Variants in CHST15 observed in about 807,000 individuals in gnomAD.
CHST15 encodes the protein B cell RAG associated protein (GALNAC4S-6ST).
CHST15 carries 30 observed loss-of-function variants against 53.6 expected under a neutral mutation model. The ratio of observed to expected loss-of-function variants is 0.56; its 90% confidence interval spans 0.42 to 0.76. CHST15 has a LOEUF of 0.76. Among genes scored for constraint, CHST15 ranks in the 30% least tolerant of loss-of-function variants. The pLI, the probability that CHST15 is intolerant of heterozygous loss-of-function variation, is 0.00. For missense variants in CHST15, 627 were observed against 740.5 expected (o/e 0.85, Z 1.78); for synonymous variants, 296 against 289.8 (o/e 1.02, Z -0.22).
At chr10:124,071,491 CAG>C (rs1204305252) in intron 1 of CHST15, among the ~76,000 whole-genome samples, 2 of 152,250 alleles carry the variant, frequency 1.3e-5, no homozygotes, top group Admixed American at 6.5e-5. Flanking sequence ...CCAACAAAAA[CAG>C]AGTGTGAGCC....
intron 1 of CHST15, among the ~76,000 whole-genome samples, chr10:124,052,592 G>C (rs1948236308): frequency 6.6e-6 from 1 of 152,216 alleles, no homozygotes. Context: ...CCGAGTGCTG[G>C]AGCCAGGTTG....
chr10:124,012,619 C>G (rs1946452056), intron 6 of CHST15, 139 bp from the exon 7 acceptor site: 1 of 958,258 alleles, frequency 1.0e-6, no homozygotes, highest in Non-Finnish European at 1.5e-6. Context: ...TGGATTTTAA[C>G]ACAAGGTGTT....
At chr10:124,050,757 G>T (rs930913925) in intron 1 of CHST15, among the ~76,000 whole-genome samples, 1 of 152,158 alleles carries the variant, frequency 6.6e-6, no homozygotes, top group Non-Finnish European at 1.5e-5. Flanking sequence ...GGGAAGCAAA[G>T]GCCCCGTAGA....
chr10:124,093,283 A>G (rs1281916024), intron 1 of CHST15, among the ~76,000 whole-genome samples, 186 bp downstream of exon 1: 1 of 149,006 alleles, frequency 6.7e-6, no homozygotes, highest in Non-Finnish European at 1.5e-5. Context: ...CCGCGCCGGG[A>G]GCGCCGCGGG....
intron 1 of CHST15, among the ~76,000 whole-genome samples, chr10:124,063,827 G>A (rs1590317885): frequency 6.6e-6 from 1 of 152,328 alleles, no homozygotes; most frequent in East Asian, 1.9e-4. Flanking sequence ...GCCAGCTCTG[G>A]AAGGAAAGCC....
intron 5 of CHST15, among the ~76,000 whole-genome samples, chr10:124,023,251 G>A (rs1010275600): frequency 3.4e-4 from 52 of 152,184 alleles, no homozygotes; most frequent in African/African-American, 1.2e-3. Flanking sequence ...TTAGGAGGCC[G>A]AGGTGGGAGG....
At chr10:124,053,695 T>C (rs1428697214) in intron 1 of CHST15, among the ~76,000 whole-genome samples, 1 of 151,948 alleles carries the variant, frequency 6.6e-6, no homozygotes, top group East Asian at 1.9e-4. Flanking sequence ...GGCAGGCGGA[T>C]GACTCAAGCC....
intron 4 of CHST15, 108 bp downstream of exon 4, chr10:124,042,193 C>CG: frequency 8.5e-7 from 1 of 1,170,872 alleles, no homozygotes; most frequent in Admixed American, 2.3e-5. Context: ...AAGTTTGCTG[C>CG]CACCATGTAA....
intron 1 of CHST15, among the ~76,000 whole-genome samples, chr10:124,076,314 T>A (rs1048085332): frequency 6.6e-6 from 1 of 152,248 alleles, no homozygotes; most frequent in Admixed American, 6.5e-5. Context: ...TTGGTCCTTG[T>A]CCCTGTCTGT....
chr10:124,021,064 A>T (rs1946760388), intron 6 of CHST15, 192 bp downstream of exon 6: 8 of 1,453,426 alleles, frequency 5.5e-6, no homozygotes, highest in Non-Finnish European at 7.2e-6. Flanking sequence ...GGAAGGCAGG[A>T]GCCAGACCAA....
At chr10:124,012,303 G>A in intron 7 of CHST15, 30 bp downstream of exon 7, 1 of 1,598,616 alleles carries the variant, frequency 6.3e-7, no homozygotes, top group Non-Finnish European at 8.6e-7. Context: ...CTCATGCTTT[G>A]GCCCGTCAGT....
At position 124,010,192 on chromosome 10, in the gene CHST15, G is replaced by T. The variant is rs566025595; in HGVS notation, c.1643C>A (p.Ala548Glu). The T allele has an allele frequency of 1.9e-6, 3 of 1,613,804 alleles. No individual in the cohort carries two copies. In the South Asian group the frequency reaches 3.3e-5, roughly 18 times the overall value. The change falls in exon 8 of 8, where the codon GCG becomes GAG. Residue 548 changes from alanine to glutamate, a missense_variant. By Grantham distance (107) the Ala-to-Glu change is moderately radical (BLOSUM62 -1). Transcript: ENST00000435907. Reference protein sequence around the residue: ...DFYRPFNARLAQVLADEAFAW... With the variant: ...DFYRPFNARLEQVLADEAFAW... ...AAACGCCTCATCCGCGAGGACCTGC[G>T]CCAGCCTAGCGTTGAAGGGCCTGTA...
At position 124,010,226 on chromosome 10, in the gene CHST15, G is replaced by A. The variant is rs774519865; in HGVS notation, c.1609C>T (p.Arg537Trp). 3.1e-6 allele frequency: 5 copies of A among 1,614,132 alleles called. No individual in the cohort carries two copies. The highest frequency in any genetic ancestry group is 1.1e-5 in the South Asian group (1 of 91,080). ...GCGTTGAAGGGCCTGTAGAAATCCC[G>A]CAGAATCTTCTGTGTGATGGGCCAC... ...PMWPITQKIL[R>W]DFYRPFNARL... The change falls in exon 8 of 8, where the codon CGG (arginine) becomes TGG (tryptophan). Residue 537 changes from arginine to tryptophan, a missense_variant. Arg to Trp is a moderately radical substitution (Grantham distance 101). Around this residue, in one of 3 missense-constraint regions of CHST15, gnomAD observed 279 missense variants for 371.6 expected, o/e 0.75. Coordinates refer to ENST00000435907, the MANE Select transcript of CHST15 (RefSeq NM_001270764.2).
intron 3 of CHST15, among the ~76,000 whole-genome samples, chr10:124,043,739 C>G (rs754635364): frequency 2.6e-5 from 4 of 152,244 alleles, no homozygotes; most frequent in Non-Finnish European, 5.9e-5. Flanking sequence ...AGAGCAAGGC[C>G]TCCAGAATGA....
chr10:124,011,758 C>A (rs1332163874), intron 7 of CHST15: 1 of 985,324 alleles, frequency 1.0e-6, no homozygotes, highest in African/African-American at 1.7e-5. Flanking sequence ...GCCCCAGGGG[C>A]CCAGCATCCA....
At chr10:124,039,411 T>G (rs563763358) in intron 4 of CHST15, among the ~76,000 whole-genome samples, 1 of 152,316 alleles carries the variant, frequency 6.6e-6, no homozygotes, top group Non-Finnish European at 1.5e-5. Context: ...ACACTAACCC[T>G]TATGAGGAAT....
chr10:124,014,456 C>G (rs1946520145), intron 6 of CHST15, among the ~76,000 whole-genome samples: 1 of 152,162 alleles, frequency 6.6e-6, no homozygotes, highest in Non-Finnish European at 1.5e-5. Context: ...TGTTTCCAAC[C>G]CACACTGTTG....
At chr10:124,080,820 T>C (rs1212763556) in intron 1 of CHST15, among the ~76,000 whole-genome samples, 1 of 152,108 alleles carries the variant, frequency 6.6e-6, no homozygotes, top group Non-Finnish European at 1.5e-5. Flanking sequence ...TTATTCACTA[T>C]ACTCTTGCCT....
intron 7 of CHST15, chr10:124,011,830 G>A: frequency 1.0e-6 from 1 of 985,436 alleles, no homozygotes; most frequent in Non-Finnish European, 1.2e-6. Flanking sequence ...GAATACCGGA[G>A]ATGATGCAAT....
Sources: gnomAD v4.1 joint callset for allele counts (sites outside exome capture counted in the v4.1 genomes callset) on GRCh38, gnomAD v4.1.1 for gene constraint, gnomAD v4.1.1 regional missense constraint, MANE v1.5 for transcripts, NCBI Gene and HGNC (gene_info 2026-07-23, HGNC 2026-07-21) for gene names.